SORCS2: variants seen among roughly 807,000 people sequenced by gnomAD.
SORCS2 encodes the protein sortilin related VPS10 domain containing receptor 2.
In SORCS2, 100 loss-of-function variants were observed where a neutral mutation model predicts 141.6. The ratio of observed to expected loss-of-function variants is 0.71; its 90% confidence interval spans 0.60 to 0.83. SORCS2 has a LOEUF of 0.83. SORCS2 is among the 40% of genes least tolerant of loss of function. SORCS2 has a pLI of 0.00. For synonymous variants in SORCS2, 789 were observed against 676.9 expected (o/e 1.17, Z -2.57); for missense variants, 1,646 against 1,560.2 (o/e 1.05, Z -0.93).
chr4:7,420,269 A>T (rs4689744), intron 2 of SORCS2, among the ~76,000 whole-genome samples: 76,495 of 152,038 alleles, frequency 0.5, 19,606 homozygotes, highest in Middle Eastern at 0.62. Context: ...AGTGTCAAGC[A>T]GGCTCTCCCA....
chr4:7,492,252 C>T (rs769840335), intron 2 of SORCS2, among the ~76,000 whole-genome samples: 24 of 152,352 alleles, frequency 1.6e-4, no homozygotes, highest in East Asian at 5.8e-4. Context: ...GCCCAGCCCC[C>T]GGTAACTACC....
chr4:7,487,252 G>C (rs564898226), intron 2 of SORCS2, among the ~76,000 whole-genome samples: 1 of 152,352 alleles, frequency 6.6e-6, no homozygotes, highest in East Asian at 1.9e-4. Flanking sequence ...CCTTCTCTGG[G>C]TAATAAATCG....
chr4:7,461,914 CAGTGCCTCTGCTGTCCTG>C (rs1729337883), intron 2 of SORCS2, among the ~76,000 whole-genome samples: 3 of 101,620 alleles, frequency 3.0e-5, no homozygotes, highest in African/African-American at 1.2e-4. Flanking sequence ...CCGCAGGCTT[CAGTGCCTCTGCTGTCCTG>C]CAGGCTTCAG....
intron 2 of SORCS2, among the ~76,000 whole-genome samples, chr4:7,403,963 A>G (rs4560413): frequency 0.56 from 32,839 of 58,964 alleles, 5,855 homozygotes; most frequent in Middle Eastern, 0.67. Flanking sequence ...CCATGTGTGT[A>G]TATATATATA....
In SORCS2 at chr4:7,192,871, C is replaced by T; in HGVS notation, c.225C>T (p.Arg75=). 9.3e-7 allele frequency: 1 copy of T among 1,076,646 alleles called. No individual in the cohort carries two copies. 66.7% of individuals were successfully genotyped at this position (1,076,646 alleles called of 1,614,324 possible). The change falls in exon 1 of 27, where the codon CGC becomes CGT. Residue 75 remains arginine (R), a synonymous_variant. Coordinates refer to ENST00000507866, the MANE Select transcript of SORCS2 (RefSeq NM_020777.3). This position sits in a 1 kb window ranked among gnomAD's most constrained non-coding sequence, Gnocchi z 4.0. The stretch of plus-strand genomic sequence containing the variant: ...TGCCGCGGAGCCCTCCCGCGGGGCG[C>T]GCGGAGCCCGGTGGCGGCGAGGACC... ...TRVPRSPPAG[R]AEPGGGEDRQ...
At chr4:7,244,254 A>C (rs1712920499) in intron 1 of SORCS2, among the ~76,000 whole-genome samples, 1 of 152,114 alleles carries the variant, frequency 6.6e-6, no homozygotes. Flanking sequence ...AGGCTTCTCC[A>C]CTTGGAACAA....
At position 7,566,174 on chromosome 4, in the gene SORCS2, T is replaced by C. The variant is rs1229289022; in HGVS notation, c.648+34545T>C. ...GATAATGTGATATTGGTGATGGTGATGGTAGTGATATTGATAATGGTGATG... is the reference window on the plus strand; with the variant it reads ...GATAATGTGATATTGGTGATGGTGACGGTAGTGATATTGATAATGGTGATG... On this transcript the variant is annotated intron_variant, in intron 3 of 26. Coordinates refer to ENST00000507866, the MANE Select transcript of SORCS2 (RefSeq NM_020777.3). Among the ~76,000 whole-genome samples the C allele has an allele frequency of 1.3e-5, 2 of 151,376 alleles. 1 individual carries two copies. The highest frequency in any genetic ancestry group is 2.9e-5 in the Non-Finnish European group (2 of 67,824).
At chr4:7,383,810 C>T (rs928333372) in intron 1 of SORCS2, among the ~76,000 whole-genome samples, 5 of 151,940 alleles carry the variant, frequency 3.3e-5, no homozygotes, top group African/African-American at 7.3e-5. Flanking sequence ...AAAGGAGTGA[C>T]GGGTGAAATT....
chr4:7,545,029 G>T (rs369306086), intron 3 of SORCS2, among the ~76,000 whole-genome samples: 4 of 152,070 alleles, frequency 2.6e-5, no homozygotes, highest in African/African-American at 9.7e-5. Context: ...TGGGCTTGTT[G>T]GTATACAGAG....
chr4:7,338,238 A>AGGAG, intron 1 of SORCS2, among the ~76,000 whole-genome samples: 1 of 142,592 alleles, frequency 7.0e-6, no homozygotes, highest in Non-Finnish European at 1.5e-5. Context: ...GTCGGATGGA[A>AGGAG]GGATGGATGG....
intron 1 of SORCS2, among the ~76,000 whole-genome samples, chr4:7,293,372 C>G (rs369097805): frequency 6.6e-6 from 1 of 152,004 alleles, no homozygotes; most frequent in East Asian, 1.9e-4. Flanking sequence ...ACCGACTTCT[C>G]TCTTGGCTTC....
intron 1 of SORCS2, among the ~76,000 whole-genome samples, chr4:7,278,058 G>C (rs530139165): frequency 6.6e-6 from 1 of 152,162 alleles, no homozygotes; most frequent in Non-Finnish European, 1.5e-5. Flanking sequence ...GCACAGAGAG[G>C]CTCAGCAATT....
intron 2 of SORCS2, among the ~76,000 whole-genome samples, chr4:7,440,589 T>G (rs907804064): frequency 1.3e-5 from 2 of 152,192 alleles, no homozygotes; most frequent in Non-Finnish European, 2.9e-5. Context: ...TGAAGCCCAG[T>G]GGGGCTTGCC....
In SORCS2 at chr4:7,725,226, T is replaced by C. The variant is rs375912123; in HGVS notation, c.2684T>C (p.Val895Ala). 1.2e-6 allele frequency: 2 copies of C among 1,613,638 alleles called. No homozygotes were observed. Among genetic ancestry groups the C allele is most frequent in the Non-Finnish European group, 1.7e-6 (2 of 1,179,670 alleles). ...GLNQEVNLTA[V>A]LLPLNPNLTV... The stretch of plus-strand genomic sequence containing the variant: ...AACCAGGAGGTGAACCTCACAGCTG[T>C]GCTGCTTCCCTTGAACCCTAACCTC... The change falls in exon 20 of 27, where the codon GTG becomes GCG. Residue 895 changes from valine (V) to alanine (A), a missense_variant. Physicochemically the swap from Val to Ala is moderately conservative, Grantham distance 64 (BLOSUM62 0). Transcript: ENST00000507866.
intron 3 of SORCS2, among the ~76,000 whole-genome samples, chr4:7,628,923 G>A (rs917853073): frequency 2.0e-5 from 3 of 152,198 alleles, no homozygotes; most frequent in Non-Finnish European, 4.4e-5. Context: ...TGTTTTCAGA[G>A]AGGCTTAATA....
intron 3 of SORCS2, among the ~76,000 whole-genome samples, chr4:7,595,782 G>A (rs563286688): frequency 6.6e-6 from 1 of 152,282 alleles, no homozygotes; most frequent in East Asian, 1.9e-4. Flanking sequence ...TAGGGACAGT[G>A]GTTCTGACTC....
At chr4:7,392,906 G>GCT (rs1560247156) in intron 1 of SORCS2, among the ~76,000 whole-genome samples, 1 of 149,888 alleles carries the variant, frequency 6.7e-6, no homozygotes, top group East Asian at 2.0e-4. Context: ...GTCGGGGGGG[G>GCT]GGGGGTGCTG....
intron 12 of SORCS2, among the ~76,000 whole-genome samples, chr4:7,698,914 G>A (rs1307742949): frequency 6.6e-6 from 1 of 152,104 alleles, no homozygotes; most frequent in Non-Finnish European, 1.5e-5. Flanking sequence ...GGGGCAGAGT[G>A]GGACAGAGGC....
chr4:7,234,975 AG>A (rs1401446109), intron 1 of SORCS2, among the ~76,000 whole-genome samples: 1 of 152,186 alleles, frequency 6.6e-6, no homozygotes, highest in Non-Finnish European at 1.5e-5. Context: ...AGTGCGTGGC[AG>A]GGGAACTTAG....
Sources: allele counts gnomAD v4.1 joint callset (sites outside exome capture counted in the v4.1 genomes callset), GRCh38; gene constraint gnomAD v4.1.1; non-coding constraint Gnocchi (gnomAD v3.1); transcripts MANE v1.5; gene names NCBI Gene and HGNC (gene_info 2026-07-23, HGNC 2026-07-21).